Variants in SPATA13 observed in about 807,000 individuals in gnomAD.
SPATA13 encodes the protein spermatogenesis associated 13, also known as spermatogenesis-associated protein 13.
Under a neutral mutation model 104.0 loss-of-function variants are expected in SPATA13, and 50 were observed. That is an observed-to-expected ratio of 0.48 (90% CI 0.38 to 0.61). The LOEUF is 0.61. Among genes scored for constraint, SPATA13 ranks in the 20% least tolerant of loss-of-function variants. The probability of loss-of-function intolerance (pLI) is 0.00; values close to 1 mark genes in which losing one functional copy is unlikely to be tolerated. For synonymous variants in SPATA13, 606 were observed against 667.5 expected (o/e 0.91, Z 1.42); for missense variants, 1,524 against 1,690.6 (o/e 0.90, Z 1.73).
intron 3 of SPATA13, among the ~76,000 whole-genome samples, chr13:24,154,066 G>A: frequency 6.6e-6 from 1 of 152,116 alleles, no homozygotes; most frequent in Non-Finnish European, 1.5e-5. Context: ...AGTGAAGGTG[G>A]GGGACCATGT....
rs79616031 is a variant in SPATA13, at chr13:24,069,936, A to G, written c.-112+52235A>G. Among the ~76,000 whole-genome samples the G allele has an allele frequency of 7.5e-3, 1,143 of 152,328 alleles. 3 individuals are homozygous for G. The highest frequency in any genetic ancestry group is 0.041 in the Middle Eastern group (12 of 294). On this transcript the variant is annotated intron_variant, in intron 3 of 14. Coordinates refer to the SPATA13 transcript ENST00000424834. ...TCTCAGAGGCCAAAGGAAGGTCCCC[A>G]ATGTGAGTTCACTCTGGGAGGGCAT...
rs143421484 is a variant in SPATA13, at chr13:24,283,520, A to G, written c.2165-615A>G. 2.3e-3 allele frequency among the ~76,000 whole-genome samples: 351 copies of G among 152,338 alleles called. 2 individuals are homozygous for G. Among genetic ancestry groups the G allele is most frequent in the African/African-American group, 8.0e-3 (331 of 41,576 alleles). ...GGTGGCTCATTTTCCCAAGAAAGAAAATCTGACTAGCAGGGTGGCCAATCT... is the reference window on the plus strand; with the variant it reads ...GGTGGCTCATTTTCCCAAGAAAGAAGATCTGACTAGCAGGGTGGCCAATCT... On this transcript the variant is annotated intron_variant, in intron 4 of 12. Transcript: ENST00000382108.
intron 1 of SPATA13, among the ~76,000 whole-genome samples, chr13:24,198,636 A>G (rs61948481): frequency 0.022 from 3,368 of 152,330 alleles, 55 homozygotes; most frequent in Middle Eastern, 0.088. Flanking sequence ...ATTGGAATTT[A>G]AAACTCTATG....
rs372983856 is a variant in SPATA13, at chr13:24,222,496, A to G, written c.-111-323A>G. On this transcript the variant is annotated intron_variant, in intron 1 of 12. Transcript: ENST00000382108. ...ATTTTTTTTTCCATTTCAAATAAGA[A>G]GAAAAGATAGTGTTGAATGATACCT... Among the ~76,000 whole-genome samples the G allele has an allele frequency of 4.4e-4, 67 of 152,326 alleles. 1 individual carries two copies. The South Asian group carries it at 5.0e-3, about 11-fold the overall frequency.
chr13:24,059,136 T>C (rs1878685688), intron 3 of SPATA13, among the ~76,000 whole-genome samples: 1 of 151,522 alleles, frequency 6.6e-6, no homozygotes, highest in South Asian at 2.1e-4. Flanking sequence ...CATGTCCTGC[T>C]AATTTTTTGT....
rs183589574 is a variant in SPATA13 at position 24,114,269 on chromosome 13, A to C, written c.-112+96568A>C. ...CCTCTTTGTGGGGGTCTGTCCAATCAGATTGTGAATCTTTCTCATTGCTTT... is the reference window on the plus strand; with the variant it reads ...CCTCTTTGTGGGGGTCTGTCCAATCCGATTGTGAATCTTTCTCATTGCTTT... On this transcript the variant is annotated intron_variant, in intron 3 of 14. Transcript: ENST00000424834. Among the ~76,000 whole-genome samples, 29 of 151,804 alleles carry C rather than the reference A, an allele frequency of 1.9e-4. 1 individual carries two copies. The highest frequency in any genetic ancestry group is 1.7e-3 in the Admixed American group (26 of 15,222).
chr13:24,000,463 A>G (rs989161546), intron 2 of SPATA13, among the ~76,000 whole-genome samples: 2 of 152,184 alleles, frequency 1.3e-5, no homozygotes, highest in Non-Finnish European at 2.9e-5. Flanking sequence ...TCCAGACACC[A>G]CACAAGGAAT....
At chr13:24,021,484 C>A (rs916685593) in intron 3 of SPATA13, among the ~76,000 whole-genome samples, 1 of 152,136 alleles carries the variant, frequency 6.6e-6, no homozygotes, top group African/African-American at 2.4e-5. Flanking sequence ...CAGAACGAGA[C>A]CTTGTCTCTT....
intron 3 of SPATA13, chr13:24,122,511 T>C: frequency 2.5e-6 from 4 of 1,606,756 alleles, no homozygotes; most frequent in Non-Finnish European, 3.4e-6. Context: ...CAATATCATC[T>C]TCATCACTCC....
At chr13:24,125,529 C>G (rs935640284) in intron 3 of SPATA13, among the ~76,000 whole-genome samples, 4 of 152,120 alleles carry the variant, frequency 2.6e-5, no homozygotes, top group African/African-American at 9.7e-5. Context: ...TAAACCACCC[C>G]CAGCACAGTT....
At chr13:24,130,592 T>C (rs1410507549) in intron 3 of SPATA13, among the ~76,000 whole-genome samples, 1 of 152,224 alleles carries the variant, frequency 6.6e-6, no homozygotes, top group Non-Finnish European at 1.5e-5. Flanking sequence ...ATCAGAAGTT[T>C]AAAGGTGGCC....
intron 3 of SPATA13, among the ~76,000 whole-genome samples, chr13:24,097,163 C>T (rs1022825): frequency 5.9e-5 from 9 of 151,826 alleles, no homozygotes; most frequent in Admixed American, 4.6e-4. Flanking sequence ...TCAGTGCACC[C>T]GGCATGGGTG....
At chr13:24,027,283 C>T (rs12585032) in intron 3 of SPATA13, among the ~76,000 whole-genome samples, 45,451 of 151,458 alleles carry the variant, frequency 0.3, 7,391 homozygotes, top group Non-Finnish European at 0.37. Flanking sequence ...TACAGGCGTG[C>T]GCCACCACAC....
chr13:24,269,633 A>G (rs1001689759), intron 4 of SPATA13, among the ~76,000 whole-genome samples: 1 of 151,770 alleles, frequency 6.6e-6, no homozygotes, highest in Non-Finnish European at 1.5e-5. Context: ...CAGTGGTACG[A>G]TCATAGCTTA....
chr13:24,052,524 A>C (rs1443639689), intron 3 of SPATA13, among the ~76,000 whole-genome samples: 1 of 151,602 alleles, frequency 6.6e-6, no homozygotes, highest in Non-Finnish European at 1.5e-5. Flanking sequence ...ATGATGTGAG[A>C]CATTAATGTT....
chr13:24,046,840 A>G (rs1418872720), intron 3 of SPATA13, among the ~76,000 whole-genome samples: 1 of 152,138 alleles, frequency 6.6e-6, no homozygotes, highest in Non-Finnish European at 1.5e-5. Context: ...CAGTGTAATC[A>G]CCAGATCCTT....
intron 1 of SPATA13, among the ~76,000 whole-genome samples, chr13:24,212,319 AG>A (rs1871072087): frequency 6.7e-6 from 1 of 148,804 alleles, no homozygotes; most frequent in Non-Finnish European, 1.5e-5. Context: ...AAAAAGGTCG[AG>A]GGAAACAAAC....
At chr13:24,009,803 G>C (rs1209422051) in intron 2 of SPATA13, among the ~76,000 whole-genome samples, 1 of 152,092 alleles carries the variant, frequency 6.6e-6, no homozygotes, top group Non-Finnish European at 1.5e-5. Context: ...AACTCTGGTC[G>C]GCTTTTTTTG....
At chr13:24,082,419 A>T (rs1400345995) in intron 3 of SPATA13, among the ~76,000 whole-genome samples, 1 of 152,212 alleles carries the variant, frequency 6.6e-6, no homozygotes, top group East Asian at 1.9e-4. Context: ...ACACTGATGG[A>T]GAATTCACCT....
Sources: gnomAD v4.1 joint callset for allele counts (sites outside exome capture counted in the v4.1 genomes callset) on GRCh38, gnomAD v4.1.1 for gene constraint, MANE v1.5 for transcripts, NCBI Gene and HGNC (gene_info 2026-07-23, HGNC 2026-07-21) for gene names.